The following SETBP1 variants were observed in gnomAD, a reference collection of about 807,000 sequenced individuals.
SETBP1 encodes the protein SET binding protein 1, also known as SET-binding protein.
In SETBP1, 9 loss-of-function variants were observed where a neutral mutation model predicts 101.0. That is an observed-to-expected ratio of 0.09 (90% CI 0.05 to 0.16). The LOEUF (loss-of-function observed/expected upper bound fraction) is 0.16, where lower values mean the gene tolerates loss of function less well. Among genes scored for constraint, SETBP1 ranks in the 10% least tolerant of loss-of-function variants. SETBP1 has a pLI of 1.00. For synonymous variants in SETBP1, 818 were observed against 788.5 expected (o/e 1.04, Z -0.63); for missense variants, 1,858 against 2,033.8 (o/e 0.91, Z 1.66).
At chr18:44,871,207 C>T (rs1329789195) in intron 3 of SETBP1, 2 of 152,186 alleles carry the variant, frequency 1.3e-5, no homozygotes, top group Non-Finnish European at 2.9e-5. Context: ...AAAGTTAATT[C>T]TCTAGTGAAA....
chr18:45,041,303 A>G (rs1394889768), intron 5 of SETBP1, among the ~76,000 whole-genome samples: 2 of 152,236 alleles, frequency 1.3e-5, no homozygotes, highest in African/African-American at 4.8e-5. Context: ...AGCACAAAGT[A>G]GGTAGTTAAC....
chr18:44,983,408 G>A (rs1317336805), intron 4 of SETBP1, among the ~76,000 whole-genome samples: 1 of 152,038 alleles, frequency 6.6e-6, no homozygotes, highest in African/African-American at 2.4e-5. Context: ...AAGAACTAGG[G>A]ACACTCTTAC....
chr18:44,964,953 A>C (rs1481149461), intron 4 of SETBP1, among the ~76,000 whole-genome samples: 3 of 152,200 alleles, frequency 2.0e-5, no homozygotes, highest in Non-Finnish European at 2.9e-5. Flanking sequence ...TTTAAAAATA[A>C]ATGCAGGAGG....
intron 4 of SETBP1, among the ~76,000 whole-genome samples, chr18:45,035,132 A>G (rs2073371762): frequency 6.6e-6 from 1 of 152,148 alleles, no homozygotes; most frequent in African/African-American, 2.4e-5. Context: ...CCGTCTCCTG[A>G]CACCTCTGCC....
chr18:44,703,484 G>A (rs1445076992), intron 2 of SETBP1, among the ~76,000 whole-genome samples: 1 of 145,922 alleles, frequency 6.9e-6, no homozygotes, highest in Non-Finnish European at 1.5e-5. Context: ...ACCGGGTGTT[G>A]TGGCTGATTT....
Position 44,730,118 on chromosome 18 carries a change from A to G in SETBP1, c.486+28286A>G, listed in dbSNP as rs28454840. Among the ~76,000 whole-genome samples the G allele has an allele frequency of 3.7e-3, 570 of 152,346 alleles. 6 individuals are homozygous for G. Among genetic ancestry groups the G allele is most frequent in the African/African-American group, 0.012 (496 of 41,582 alleles). The stretch of plus-strand genomic sequence containing the variant: ...GGCTGAGACCTTATCTGCCCTTGTT[A>G]TATGGGTAGCACTAAATTCCCTTAG... On this transcript the variant is annotated intron_variant, in intron 2 of 5. Coordinates refer to ENST00000649279, the MANE Select transcript of SETBP1 (RefSeq NM_015559.3).
chr18:44,840,652 G>A (rs1053841146), intron 2 of SETBP1, among the ~76,000 whole-genome samples: 1 of 152,190 alleles, frequency 6.6e-6, no homozygotes, highest in African/African-American at 2.4e-5. Flanking sequence ...GTAATGAGAG[G>A]GAGATGGGAA....
intron 2 of SETBP1, among the ~76,000 whole-genome samples, chr18:44,826,682 C>T (rs1413397474): frequency 6.6e-6 from 1 of 151,984 alleles, no homozygotes; most frequent in Admixed American, 6.6e-5. Context: ...TGGACATCTG[C>T]CCAGACACAT....
chr18:44,889,128 T>C (rs1429074647), intron 3 of SETBP1, among the ~76,000 whole-genome samples: 1 of 152,162 alleles, frequency 6.6e-6, no homozygotes, highest in Non-Finnish European at 1.5e-5. Context: ...CATGGTTTCT[T>C]TTTCTTCAGC....
intron 2 of SETBP1, among the ~76,000 whole-genome samples, chr18:44,817,188 G>T (rs1416191613): frequency 1.3e-5 from 2 of 152,182 alleles, no homozygotes; most frequent in African/African-American, 4.8e-5. Context: ...TACAAAAAGT[G>T]CAGGTAGCTA....
intron 4 of SETBP1, among the ~76,000 whole-genome samples, chr18:44,978,942 A>C (rs2072051587): frequency 6.6e-6 from 1 of 152,230 alleles, no homozygotes; most frequent in Non-Finnish European, 1.5e-5. Flanking sequence ...GAGCCTCAAG[A>C]ATTGAATAAA....
At chr18:44,938,523 A>G (rs746065056) in intron 3 of SETBP1, among the ~76,000 whole-genome samples, 1 of 152,260 alleles carries the variant, frequency 6.6e-6, no homozygotes, top group African/African-American at 2.4e-5. Context: ...ATCTCTCCAG[A>G]TAAAGCCTCT....
At chr18:44,808,769 G>A (rs1159415735) in intron 2 of SETBP1, among the ~76,000 whole-genome samples, 2 of 152,126 alleles carry the variant, frequency 1.3e-5, no homozygotes, top group East Asian at 3.9e-4. Flanking sequence ...CTGTAGTAGG[G>A]CTGGGGAAGA....
chr18:44,922,308 T>A (rs2070600697), intron 3 of SETBP1, among the ~76,000 whole-genome samples: 1 of 152,316 alleles, frequency 6.6e-6, no homozygotes, highest in South Asian at 2.1e-4. Flanking sequence ...GTAAGTAAGT[T>A]GCCCCAAATC....
At chr18:44,762,197 G>A (rs979774582) in intron 2 of SETBP1, among the ~76,000 whole-genome samples, 1 of 151,186 alleles carries the variant, frequency 6.6e-6, no homozygotes, top group African/African-American at 2.4e-5. Flanking sequence ...CAGTTCTGGA[G>A]TGCTCTCCCT....
At chr18:44,974,497 A>G (rs1032863160) in intron 4 of SETBP1, among the ~76,000 whole-genome samples, 1 of 152,160 alleles carries the variant, frequency 6.6e-6, no homozygotes, top group Non-Finnish European at 1.5e-5. Flanking sequence ...CTCACCTGCT[A>G]TGGTGTTTTC....
At chr18:44,862,983 GGTTTGTTT>G (rs144524569) in intron 2 of SETBP1, among the ~76,000 whole-genome samples, 7 of 152,258 alleles carry the variant, frequency 4.6e-5, no homozygotes, top group Admixed American at 1.3e-4. Context: ...CTATGACAGA[GGTTTGTTT>G]GTTTGTTTGT....
Position 45,063,810 on chromosome 18 carries a change from C to A in SETBP1, c.*112C>A. ...GCAGGGACACCCACGCCCTTCTCTC[C>A]AGAAGCCGGGCAGGCAGAATCCGGC... On this transcript the variant is annotated 3_prime_UTR_variant, in exon 6 of 6. Transcript: ENST00000649279. 1 of 1,272,946 alleles carries A rather than the reference C, an allele frequency of 7.9e-7. No individual in the cohort carries two copies. The highest frequency in any genetic ancestry group is 1.1e-6 in the Non-Finnish European group (1 of 925,004). The allele number at this position is 1,272,946 out of a possible 1,614,324, so 78.9% of individuals were successfully genotyped here. A position where few individuals can be genotyped will look rare whatever the true frequency, so the allele number is the denominator to read the frequency against.
chr18:45,003,584 T>C (rs1322658235), intron 4 of SETBP1, among the ~76,000 whole-genome samples: 2 of 151,248 alleles, frequency 1.3e-5, no homozygotes, highest in Non-Finnish European at 2.9e-5. Context: ...AACGAGCGAG[T>C]AGCCTGCCCA....
Sources: allele counts gnomAD v4.1 joint callset (sites outside exome capture counted in the v4.1 genomes callset), GRCh38; gene constraint gnomAD v4.1.1; transcripts MANE v1.5; gene names NCBI Gene and HGNC (gene_info 2026-07-23, HGNC 2026-07-21).